Variants in ZDHHC22 observed in about 807,000 individuals in gnomAD.
ZDHHC22 encodes zDHHC palmitoyltransferase 22, also known as palmitoyltransferase ZDHHC22.
A neutral mutation model predicts 17.0 loss-of-function variants in ZDHHC22; 13 were observed. The observed-to-expected ratio is 0.76, with a 90% CI of 0.50 to 1.21. ZDHHC22 has a LOEUF of 1.21. Ranked by LOEUF, ZDHHC22 falls within the 50% of genes most tolerant of loss-of-function variation. The probability of loss-of-function intolerance (pLI) is 0.00; values close to 1 mark genes in which losing one functional copy is unlikely to be tolerated. For missense variants in ZDHHC22, 319 were observed against 342.3 expected, an observed-to-expected ratio of 0.93 and a Z score of 0.54; for synonymous variants, 138 against 154.7, an observed-to-expected ratio of 0.89 and a Z score of 0.80.
At chr14:77,139,853 T>A (rs1435519027) in intron 1 of ZDHHC22, 101 bp from the exon 2 acceptor site, 11 of 1,219,402 alleles carry the variant, frequency 9.0e-6, no homozygotes, top group Non-Finnish European at 1.2e-5. Flanking sequence ...TGCACGCGAC[T>A]CCACGCCCCC....
Position 77,133,523 on chromosome 14 carries a change from A to T in ZDHHC22, c.*160T>A. 9.8e-7 allele frequency: 1 copy of T among 1,022,262 alleles called. No homozygotes were observed. The highest frequency in any genetic ancestry group is 1.4e-6 in the Non-Finnish European group (1 of 739,410). 63.3% of individuals were successfully genotyped at this position (1,022,262 alleles called of 1,614,324 possible). A position where few individuals can be genotyped will look rare whatever the true frequency, so the allele number is the denominator to read the frequency against. On this transcript the variant is annotated 3_prime_UTR_variant, in exon 3 of 3. Transcript: ENST00000319374. ...ACATTTTTCCTCCTTGTCATGATCC[A>T]CCAGCTCACGCTGTTCTCATGGGTG...
rs1408485979 is a variant in ZDHHC22 at position 77,132,157 on chromosome 14, C to G, written c.*1526G>C. On this transcript the variant is annotated 3_prime_UTR_variant, in exon 3 of 3. Transcript: ENST00000319374. ...CCCTTATATGCCCCAGAGGTCTGGT[C>G]CTCTAGGTTTCAGAAAACACACAGC... The G allele has an allele frequency of 6.6e-6, 1 of 152,410 alleles. No individual in the cohort carries two copies. The highest frequency in any genetic ancestry group is 2.1e-4 in the South Asian group (1 of 4,826). 9.4% of individuals were successfully genotyped at this position (152,410 alleles called of 1,614,324 possible). A position where few individuals can be genotyped will look rare whatever the true frequency, so the allele number is the denominator to read the frequency against.
intron 2 of ZDHHC22, among the ~76,000 whole-genome samples, chr14:77,135,708 A>G (rs1887123967): frequency 6.6e-6 from 1 of 152,298 alleles, no homozygotes; most frequent in Middle Eastern, 3.4e-3. Flanking sequence ...GGTGGCCCTC[A>G]AGCTGGGATG....
At chr14:77,137,602 G>A (rs1018185464) in intron 2 of ZDHHC22, among the ~76,000 whole-genome samples, 4 of 134,558 alleles carry the variant, frequency 3.0e-5, no homozygotes, top group African/African-American at 1.2e-4. Flanking sequence ...GCCAGTGCTG[G>A]GATCCAGAAG....
In ZDHHC22 at chr14:77,140,282, A is replaced by G. The variant is rs1444116055; in HGVS notation, c.-14-530T>C. Reference sequence around the variant, plus strand: ...CACCCACACACACATCTTGGGCAGCACTCAGGGACCTCACCAGGTTACCCA... The same window carrying G: ...CACCCACACACACATCTTGGGCAGCGCTCAGGGACCTCACCAGGTTACCCA... On this transcript the variant is annotated intron_variant, in intron 1 of 2. Coordinates refer to ENST00000319374, the MANE Select transcript of ZDHHC22 (RefSeq NM_174976.2). The surrounding 1 kb of genome is among the most constrained non-coding windows in gnomAD (Gnocchi z 5.9). 6.6e-6 allele frequency among the ~76,000 whole-genome samples: 1 copy of G among 151,944 alleles called. No individual in the cohort carries two copies. Among genetic ancestry groups the G allele is most frequent in the Non-Finnish European group, 1.5e-5 (1 of 67,982 alleles).
Sources: gnomAD v4.1 joint callset for allele counts (sites outside exome capture counted in the v4.1 genomes callset) on GRCh38, gnomAD v4.1.1 for gene constraint, Gnocchi (gnomAD v3.1) non-coding constraint, MANE v1.5 for transcripts, NCBI Gene and HGNC (gene_info 2026-07-23, HGNC 2026-07-21) for gene names.